The following LYN variants were observed in gnomAD, a reference collection of about 807,000 sequenced individuals.
The protein encoded by LYN is tyrosine-protein kinase Lyn.
LYN carries 12 observed loss-of-function variants against 65.0 expected under a neutral mutation model. The ratio of observed to expected loss-of-function variants is 0.18; its 90% CI spans 0.12 to 0.30. The LOEUF (loss-of-function observed/expected upper bound fraction) is 0.30. Ranked by LOEUF, LYN falls within the 10% of genes least tolerant of loss-of-function variation. The probability of loss-of-function intolerance (pLI) is 1.00; values close to 1 mark genes in which losing one functional copy is unlikely to be tolerated. For synonymous variants in LYN, 222 were observed against 221.2 expected (o/e 1.00, Z -0.03); for missense variants, 380 against 623.2 (o/e 0.61, Z 4.16).
Position 56,013,400 on chromosome 8 carries a change from A to T in LYN, c.*3290A>T, listed in dbSNP as rs1290718345. On this transcript the variant is annotated 3_prime_UTR_variant, in exon 13 of 13. Transcript: ENST00000519728. Reference sequence around the variant, plus strand: ...CTTCTCCTGCCTCAGCCTCCCTAGTAGCTGGAACTACAGGCACACACCATC... The same window carrying T: ...CTTCTCCTGCCTCAGCCTCCCTAGTTGCTGGAACTACAGGCACACACCATC... The T allele has an allele frequency of 6.6e-6, 1 of 151,420 alleles. No homozygotes were observed. The highest frequency in any genetic ancestry group is 6.6e-5 in the Admixed American group (1 of 15,186). The allele number at this position is 151,420 out of a possible 1,614,324, so 9.4% of individuals were successfully genotyped here. A position where few individuals can be genotyped will look rare whatever the true frequency, so the allele number is the denominator to read the frequency against.
At chr8:55,884,084 TTTG>T (rs955900473) in intron 1 of LYN, among the ~76,000 whole-genome samples, 5 of 152,122 alleles carry the variant, frequency 3.3e-5, no homozygotes, top group African/African-American at 9.7e-5. Flanking sequence ...TTTTGAGATT[TTTG>T]TTGTTGTTGT....
chr8:55,889,353 G>A (rs1300786272), intron 1 of LYN, among the ~76,000 whole-genome samples: 3 of 152,206 alleles, frequency 2.0e-5, no homozygotes, highest in Non-Finnish European at 4.4e-5. Flanking sequence ...TGGGACTACA[G>A]GTGTGTGCCA....
intron 1 of LYN, among the ~76,000 whole-genome samples, chr8:55,919,675 G>A (rs934303162): frequency 1.3e-5 from 2 of 152,296 alleles, no homozygotes; most frequent in East Asian, 1.9e-4. Context: ...GGGGCTGCTT[G>A]AAAACCCTAA....
intron 8 of LYN, 24 bp downstream of exon 8, chr8:55,954,008 A>G: frequency 6.2e-7 from 1 of 1,611,884 alleles, no homozygotes; most frequent in East Asian, 2.2e-5. Context: ...TCGGGGATCT[A>G]TGTCCTTCTA....
At chr8:55,991,815 A>T (rs1491004058) in intron 10 of LYN, among the ~76,000 whole-genome samples, 1 of 152,194 alleles carries the variant, frequency 6.6e-6, no homozygotes, top group Non-Finnish European at 1.5e-5. Context: ...AAAATGAAAA[A>T]CACAGAAACA....
At chr8:55,963,767 T>G (rs1236451980) in intron 8 of LYN, among the ~76,000 whole-genome samples, 1 of 152,264 alleles carries the variant, frequency 6.6e-6, no homozygotes, top group Non-Finnish European at 1.5e-5. Context: ...CTTATTGATT[T>G]GTAAGAATTC....
intron 10 of LYN, among the ~76,000 whole-genome samples, chr8:55,971,286 A>G (rs1384940560): frequency 2.6e-5 from 4 of 152,220 alleles, no homozygotes; most frequent in African/African-American, 9.6e-5. Context: ...CAAGGTTTCC[A>G]GAACTATAGT....
rs151058100 is a variant in LYN, at chr8:55,998,423, C to T, written c.1128C>T (p.Ser376=). 2.7e-5 allele frequency: 43 copies of T among 1,613,804 alleles called. No homozygotes were observed. Among genetic ancestry groups the T allele is most frequent in the Non-Finnish European group, 3.1e-5 (36 of 1,179,858 alleles). ...TGCGAGCAGCTAATGTTCTGGTCTCCGAGTCACTCATGTGCAAAATTGCAG... is the reference window on the plus strand; with the variant it reads ...TGCGAGCAGCTAATGTTCTGGTCTCTGAGTCACTCATGTGCAAAATTGCAG... ...RDLRAANVLV[S]ESLMCKIADF... Residue 376 remains serine (S), a synonymous_variant, in exon 11 of 13, where the codon TCC becomes TCT. Coordinates refer to ENST00000519728, the MANE Select transcript of LYN (RefSeq NM_002350.4).
rs112991976 is a variant in LYN, at chr8:55,927,842, G to GA, written c.-5-14003dup. ...CAGAGCGAGACTCTGTCCCAAGGGGGAAAAAAAAAAGAAAGAAAGCTGCTA... is the reference window on the plus strand; with the variant it reads ...CAGAGCGAGACTCTGTCCCAAGGGGGAAAAAAAAAAAGAAAGAAAGCTGCTA... On this transcript the variant is annotated intron_variant, in intron 1 of 12. Transcript: ENST00000519728. 1.1e-3 allele frequency among the ~76,000 whole-genome samples: 167 copies of GA among 148,284 alleles called. 2 individuals are homozygous for GA. The highest frequency in any genetic ancestry group is 6.8e-3 in the Middle Eastern group (2 of 292).
At chr8:55,922,456 ATAGG>A (rs1805972557) in intron 1 of LYN, among the ~76,000 whole-genome samples, 1 of 151,928 alleles carries the variant, frequency 6.6e-6, no homozygotes, top group East Asian at 1.9e-4. Flanking sequence ...CAGGTAAATA[ATAGG>A]TAGAAGACAG....
At chr8:55,895,258 T>G (rs1168791512) in intron 1 of LYN, among the ~76,000 whole-genome samples, 1 of 152,044 alleles carries the variant, frequency 6.6e-6, no homozygotes, top group African/African-American at 2.4e-5. Flanking sequence ...GGAGGGAATA[T>G]TGGACTAAGG....
In LYN at chr8:55,952,197, A is replaced by C. The variant is rs915170014; in HGVS notation, c.637+82A>C. ...GACGTCAAACGCTATTTTTATATTA[A>C]AACTTTTTATGCATCGTATTTCTCT... On this transcript the variant is annotated intron_variant, in intron 7 of 12. Coordinates refer to ENST00000519728, the MANE Select transcript of LYN (RefSeq NM_002350.4). The C allele has an allele frequency of 2.0e-4, 233 of 1,144,674 alleles. No homozygotes were observed. The Middle Eastern group carries it at 3.3e-3, about 16-fold the overall frequency. 70.9% of individuals were successfully genotyped at this position (1,144,674 alleles called of 1,614,324 possible). A position where few individuals can be genotyped will look rare whatever the true frequency, so the allele number is the denominator to read the frequency against.
At chr8:55,962,952 A>G (rs1807330130) in intron 8 of LYN, among the ~76,000 whole-genome samples, 1 of 152,174 alleles carries the variant, frequency 6.6e-6, no homozygotes, top group African/African-American at 2.4e-5. Context: ...CTTTTAGACA[A>G]CCAGCTCTCT....
chr8:55,961,211 G>A (rs1392194673), intron 8 of LYN, among the ~76,000 whole-genome samples: 1 of 152,068 alleles, frequency 6.6e-6, no homozygotes, highest in Non-Finnish European at 1.5e-5. Context: ...AGTCACAGCC[G>A]GAATTAGAGT....
At chr8:56,004,339 G>A (rs1296550647) in intron 12 of LYN, among the ~76,000 whole-genome samples, 3 of 149,086 alleles carry the variant, frequency 2.0e-5, no homozygotes, top group Non-Finnish European at 3.0e-5. Context: ...CGTCACCCAG[G>A]CTAGAGTGCA....
At chr8:56,007,871 C>T (rs772052451) in intron 12 of LYN, among the ~76,000 whole-genome samples, 14 of 152,076 alleles carry the variant, frequency 9.2e-5, no homozygotes, top group Non-Finnish European at 1.3e-4. Flanking sequence ...TTTAATCCAG[C>T]ACTTTGGGAG....
At chr8:55,922,306 C>G (rs1805967406) in intron 1 of LYN, among the ~76,000 whole-genome samples, 1 of 152,040 alleles carries the variant, frequency 6.6e-6, no homozygotes, top group Non-Finnish European at 1.5e-5. Flanking sequence ...CCCAGACTAG[C>G]CTCAAACTCC....
intron 1 of LYN, among the ~76,000 whole-genome samples, chr8:55,909,947 C>G (rs1369499853): frequency 7.0e-6 from 1 of 143,584 alleles, no homozygotes; most frequent in East Asian, 2.0e-4. Flanking sequence ...TATTCATGTT[C>G]TTTGCCCACT....
intron 8 of LYN, among the ~76,000 whole-genome samples, chr8:55,958,684 G>C (rs964647153): frequency 6.6e-6 from 1 of 152,094 alleles, no homozygotes; most frequent in Non-Finnish European, 1.5e-5. Flanking sequence ...GACTACCTTA[G>C]GTACCTCAAA....
Sources: allele counts gnomAD v4.1 joint callset (sites outside exome capture counted in the v4.1 genomes callset), GRCh38; gene constraint gnomAD v4.1.1; transcripts MANE v1.5; gene names NCBI Gene and HGNC (gene_info 2026-07-23, HGNC 2026-07-21).